Variants in HS6ST3 observed in about 807,000 individuals in gnomAD.
The protein encoded by HS6ST3 is heparan sulfate 6-O-sulfotransferase 3, also known as heparan-sulfate 6-O-sulfotransferase 3.
A neutral mutation model predicts 36.7 loss-of-function variants in HS6ST3; 12 were observed. The observed-to-expected ratio is 0.33, with a 90% CI of 0.21 to 0.53. The LOEUF (loss-of-function observed/expected upper bound fraction) is 0.53. Ranked by LOEUF, HS6ST3 falls within the 20% of genes least tolerant of loss-of-function variation. HS6ST3 has a pLI of 0.95. For synonymous variants in HS6ST3, 240 were observed against 257.5 expected (o/e 0.93, Z 0.65); for missense variants, 584 against 640.9 (o/e 0.91, Z 0.96).
At chr13:96,645,211 A>G (rs2056584740) in intron 1 of HS6ST3, among the ~76,000 whole-genome samples, 3 of 151,920 alleles carry the variant, frequency 2.0e-5, no homozygotes, top group Admixed American at 2.0e-4. Flanking sequence ...AATCTTGGGT[A>G]TGTACTAAAG....
intron 1 of HS6ST3, among the ~76,000 whole-genome samples, chr13:96,352,868 A>G (rs1032961839): frequency 1.3e-5 from 2 of 152,074 alleles, no homozygotes; most frequent in African/African-American, 4.8e-5. Context: ...TCTGTGAAGT[A>G]GTTATTATTG....
chr13:96,539,601 C>T (rs184034271), intron 1 of HS6ST3, among the ~76,000 whole-genome samples: 8 of 152,030 alleles, frequency 5.3e-5, no homozygotes, highest in African/African-American at 9.7e-5. Flanking sequence ...ATGATCCACC[C>T]GCCTCAGCCT....
intron 1 of HS6ST3, among the ~76,000 whole-genome samples, chr13:96,188,456 A>AAAAC (rs1555289550): frequency 1.1e-4 from 17 of 152,272 alleles, no homozygotes; most frequent in Middle Eastern, 3.4e-3. Flanking sequence ...CATCGCTACA[A>AAAAC]AAACAAACAA....
At chr13:96,778,643 T>C (rs1877453586) in intron 1 of HS6ST3, among the ~76,000 whole-genome samples, 1 of 152,134 alleles carries the variant, frequency 6.6e-6, no homozygotes, top group Admixed American at 6.5e-5. Flanking sequence ...CCAGTTAGAA[T>C]GGTGATCATT....
intron 1 of HS6ST3, among the ~76,000 whole-genome samples, chr13:96,249,018 C>T (rs760671082): frequency 1.3e-5 from 2 of 152,100 alleles, no homozygotes; most frequent in African/African-American, 4.8e-5. Flanking sequence ...GGTGCCATTT[C>T]CTCCTCCTGT....
chr13:96,806,274 C>T (rs918103636), intron 1 of HS6ST3, among the ~76,000 whole-genome samples: 1 of 152,116 alleles, frequency 6.6e-6, no homozygotes, highest in Non-Finnish European at 1.5e-5. Flanking sequence ...AATCAAAGAT[C>T]GATTAATGCA....
At chr13:96,348,254 G>A (rs1045885384) in intron 1 of HS6ST3, among the ~76,000 whole-genome samples, 2 of 152,206 alleles carry the variant, frequency 1.3e-5, no homozygotes, top group Non-Finnish European at 2.9e-5. Flanking sequence ...TTCTGCAAGA[G>A]TGAAGGCCAT....
intron 1 of HS6ST3, among the ~76,000 whole-genome samples, chr13:96,751,248 T>C (rs1413265852): frequency 6.6e-6 from 1 of 152,142 alleles, no homozygotes; most frequent in Non-Finnish European, 1.5e-5. Context: ...TTAAAGACAT[T>C]GAAATGAGAT....
At chr13:96,625,936 G>T (rs534246639) in intron 1 of HS6ST3, among the ~76,000 whole-genome samples, 1 of 151,646 alleles carries the variant, frequency 6.6e-6, no homozygotes, top group East Asian at 1.9e-4. Context: ...CGCCTCCCAG[G>T]TTCACGCCAT....
At chr13:96,140,967 T>G (rs1390254858) in intron 1 of HS6ST3, among the ~76,000 whole-genome samples, 2 of 152,172 alleles carry the variant, frequency 1.3e-5, no homozygotes, top group Admixed American at 6.5e-5. Context: ...GAGAAGCAGC[T>G]TTTCCTGACA....
At chr13:96,351,117 A>G (rs2055180594) in intron 1 of HS6ST3, among the ~76,000 whole-genome samples, 1 of 152,052 alleles carries the variant, frequency 6.6e-6, no homozygotes, top group Non-Finnish European at 1.5e-5. Context: ...AATTAATTAT[A>G]TTGGTTAAAG....
chr13:96,624,010 T>A (rs2056503916), intron 1 of HS6ST3, among the ~76,000 whole-genome samples: 1 of 152,252 alleles, frequency 6.6e-6, no homozygotes, highest in South Asian at 2.1e-4. Context: ...TGTCAAATCT[T>A]GCTTGGTATA....
rs1878997820 is a variant in HS6ST3, at chr13:96,838,704, T to C, written c.*5506T>C. 6.6e-6 allele frequency: 1 copy of C among 152,146 alleles called. No homozygotes were observed. Among genetic ancestry groups the C allele is most frequent in the Non-Finnish European group, 1.5e-5 (1 of 68,036 alleles). The allele number at this position is 152,146 out of a possible 1,614,324, so 9.4% of individuals were successfully genotyped here. On this transcript the variant is annotated 3_prime_UTR_variant, in exon 2 of 2. Coordinates refer to ENST00000376705, the MANE Select transcript of HS6ST3 (RefSeq NM_153456.4). The stretch of plus-strand genomic sequence containing the variant: ...CAAATCTGAACTAATTCCTTGAGAC[T>C]TCAAATTAGCCCTTCTGAGCAAGTG...
At chr13:96,360,945 C>CCCAA (rs1555300658) in intron 1 of HS6ST3, among the ~76,000 whole-genome samples, 1 of 130,864 alleles carries the variant, frequency 7.6e-6, no homozygotes. Flanking sequence ...GACCCTGTCC[C>CCCAA]AAAAAAAAAA....
intron 1 of HS6ST3, among the ~76,000 whole-genome samples, chr13:96,197,199 A>T (rs936972575): frequency 1.3e-5 from 2 of 152,214 alleles, no homozygotes; most frequent in African/African-American, 2.4e-5. Context: ...AAAGAGGTTT[A>T]ATTGGACTTA....
intron 1 of HS6ST3, among the ~76,000 whole-genome samples, chr13:96,683,041 G>C (rs2056723657): frequency 6.6e-6 from 1 of 152,090 alleles, no homozygotes; most frequent in Non-Finnish European, 1.5e-5. Context: ...ATGCAACAGA[G>C]TTGTTATAAG....
intron 1 of HS6ST3, among the ~76,000 whole-genome samples, chr13:96,133,816 G>C (rs563227091): frequency 3.4e-5 from 5 of 145,818 alleles, no homozygotes; most frequent in Admixed American, 6.9e-5. Flanking sequence ...AAAAATCATT[G>C]TCCAGAGCAA....
chr13:96,213,087 T>A (rs2054406701), intron 1 of HS6ST3, among the ~76,000 whole-genome samples: 1 of 152,186 alleles, frequency 6.6e-6, no homozygotes, highest in South Asian at 2.1e-4. Flanking sequence ...GGTCAAGGGA[T>A]TTTTATGCAA....
Position 96,405,339 on chromosome 13 carries a change from A to G in HS6ST3, c.707+313770A>G, listed in dbSNP as rs1026602927. ...TTTGTTAGCCTATTGAATGTTAACA[A>G]ATGTTAATTTTGTGGCAGGTTGAAC... On this transcript the variant is annotated intron_variant, in intron 1 of 1. Coordinates refer to ENST00000376705, the MANE Select transcript of HS6ST3 (RefSeq NM_153456.4). Among the ~76,000 whole-genome samples, 7 of 152,222 alleles carry G rather than the reference A, an allele frequency of 4.6e-5. No individual in the cohort carries two copies. In the South Asian group the frequency reaches 1.2e-3, roughly 27 times the overall value.
Sources: gnomAD v4.1 joint callset for allele counts (sites outside exome capture counted in the v4.1 genomes callset) on GRCh38, gnomAD v4.1.1 for gene constraint, MANE v1.5 for transcripts, NCBI Gene and HGNC (gene_info 2026-07-23, HGNC 2026-07-21) for gene names.